EIF4E3: variants seen among roughly 807,000 people sequenced by gnomAD.
The protein encoded by EIF4E3 is eukaryotic translation initiation factor 4E type 3.
EIF4E3 carries 26 observed loss-of-function variants against 31.7 expected under a neutral mutation model. That is an observed-to-expected ratio of 0.82 (90% CI 0.60 to 1.14). EIF4E3 has a LOEUF of 1.14. EIF4E3 is among the 50% of genes most tolerant of loss of function. The pLI is 0.00. For synonymous variants in EIF4E3, 128 were observed against 107.7 expected (o/e 1.19, Z -1.17); for missense variants, 304 against 270.9 (o/e 1.12, Z -0.86).
At chr3:71,728,328 G>C (rs1197487115), upstream of EIF4E3, 1 of 152,224 alleles carries the variant, frequency 6.6e-6, no homozygotes, top group East Asian at 1.9e-4. Flanking sequence ...ATTCTTAGAA[G>C]ATAATAAATT....
At chr3:71,731,579 C>G (rs1041018803) in intron 1 of EIF4E3, among the ~76,000 whole-genome samples, 5 of 152,230 alleles carry the variant, frequency 3.3e-5, no homozygotes, top group African/African-American at 1.2e-4. Flanking sequence ...TAGTGCAGGG[C>G]CTGTCCATGG....
At chr3:71,713,136 T>G (rs1205781989) in intron 1 of EIF4E3, among the ~76,000 whole-genome samples, 1 of 152,242 alleles carries the variant, frequency 6.6e-6, no homozygotes, top group Non-Finnish European at 1.5e-5. Flanking sequence ...GCTAGTGTGC[T>G]GAGCCTCTGA....
At chr3:71,726,000 G>C (rs1285865720), upstream of EIF4E3, among the ~76,000 whole-genome samples, 1 of 152,154 alleles carries the variant, frequency 6.6e-6, no homozygotes, top group Admixed American at 6.5e-5. This position sits in a 1 kb window ranked among gnomAD's most constrained non-coding sequence, Gnocchi z 6.1. Context: ...TCCAGTGCCC[G>C]CGAGTACAGA....
rs1438612652 is a variant in EIF4E3 at position 71,678,380 on chromosome 3, T to C, written c.*6302A>G. 6.6e-6 allele frequency: 1 copy of C among 152,164 alleles called. No individual in the cohort carries two copies. The highest frequency in any genetic ancestry group is 6.5e-5 in the Admixed American group (1 of 15,270). The allele number at this position is 152,164 out of a possible 1,614,324, so 9.4% of individuals were successfully genotyped here. ...TGAAAAATGAAGAAGCACAAATTCA[T>C]AGCAATATAGTCCCAAATTAGAAAA... On this transcript the variant is annotated 3_prime_UTR_variant, in exon 7 of 7. Coordinates refer to ENST00000425534, the MANE Select transcript of EIF4E3 (RefSeq NM_001134651.2).
Position 71,716,580 on chromosome 3 carries a change from G to GA in EIF4E3, c.177-6097dup, listed in dbSNP as rs1323775380. Reference sequence around the variant, plus strand: ...CAGAAATGCTGGGCCCCCAATAATTGAAAAGACCACATATCATGTTGTACA... The same window carrying GA: ...CAGAAATGCTGGGCCCCCAATAATTGAAAAAGACCACATATCATGTTGTACA... On this transcript the variant is annotated intron_variant, in intron 1 of 6. Coordinates refer to ENST00000425534, the MANE Select transcript of EIF4E3 (RefSeq NM_001134651.2). Among the ~76,000 whole-genome samples the GA allele has an allele frequency of 3.3e-5, 5 of 152,052 alleles. No individual in the cohort carries two copies. The East Asian group carries it at 7.7e-4, about 23-fold the overall frequency.
intron 1 of EIF4E3, among the ~76,000 whole-genome samples, chr3:71,724,778 C>T (rs1257372794): frequency 1.3e-5 from 2 of 152,230 alleles, no homozygotes; most frequent in Non-Finnish European, 2.9e-5. Flanking sequence ...AGCGCTGTCA[C>T]AGCTGAGGTC....
intron 1 of EIF4E3, among the ~76,000 whole-genome samples, chr3:71,741,297 A>G (rs1206229874): frequency 1.3e-5 from 2 of 152,288 alleles, no homozygotes; most frequent in East Asian, 1.9e-4. Flanking sequence ...CATATCCTAC[A>G]ATGAAATAAT....
chr3:71,698,134 C>T (rs1488194112), intron 3 of EIF4E3, among the ~76,000 whole-genome samples: 4 of 152,152 alleles, frequency 2.6e-5, no homozygotes, highest in African/African-American at 9.7e-5. Flanking sequence ...GGGCATTTTT[C>T]AATAAACACT....
intron 6 of EIF4E3, among the ~76,000 whole-genome samples, chr3:71,685,606 A>T (rs1266309216): frequency 6.6e-6 from 1 of 152,160 alleles, no homozygotes; most frequent in Non-Finnish European, 1.5e-5. Flanking sequence ...CAAGTGAACC[A>T]CCTGCCTCAG....
chr3:71,745,498 A>C (rs2108157819), intron 1 of EIF4E3, among the ~76,000 whole-genome samples: 1 of 152,184 alleles, frequency 6.6e-6, no homozygotes, highest in East Asian at 1.9e-4. Context: ...CCACCATATA[A>C]AGTATATTCA....
intron 1 of EIF4E3, among the ~76,000 whole-genome samples, chr3:71,745,495 ATAAAG>A (rs1002086447): frequency 3.5e-4 from 53 of 152,332 alleles, no homozygotes; most frequent in African/African-American, 1.3e-3. Flanking sequence ...TCGCCACCAT[ATAAAG>A]TATATTCACT....
intron 1 of EIF4E3, among the ~76,000 whole-genome samples, chr3:71,715,263 G>A (rs564618217): frequency 1.1e-4 from 16 of 152,328 alleles, no homozygotes; most frequent in Admixed American, 1.0e-3. Flanking sequence ...AAACCCTCCT[G>A]GCAATGTTTA....
the EIF4E3 span, among the ~76,000 whole-genome samples, chr3:71,666,960 T>C: frequency 1.3e-5 from 2 of 151,528 alleles, no homozygotes; most frequent in Non-Finnish European, 2.9e-5. Flanking sequence ...AAAAAGAAAA[T>C]TTCAGGCCAA....
At chr3:71,707,848 C>A (rs1453366302) in intron 2 of EIF4E3, among the ~76,000 whole-genome samples, 1 of 149,352 alleles carries the variant, frequency 6.7e-6, no homozygotes, top group East Asian at 2.0e-4. Flanking sequence ...GAAAGTGGTT[C>A]ATTTATTAAC....
At chr3:71,752,331 C>G (rs1405642338) in intron 1 of EIF4E3, among the ~76,000 whole-genome samples, 2 of 152,148 alleles carry the variant, frequency 1.3e-5, no homozygotes, top group Non-Finnish European at 2.9e-5. Flanking sequence ...CTCTGTCATC[C>G]CTCCTCAACA....
At chr3:71,739,547 A>G (rs1039970464) in intron 1 of EIF4E3, among the ~76,000 whole-genome samples, 3 of 152,098 alleles carry the variant, frequency 2.0e-5, no homozygotes, top group Admixed American at 2.0e-4. Context: ...AAATTAAAAA[A>G]TTAACCAGGT....
intron 1 of EIF4E3, among the ~76,000 whole-genome samples, chr3:71,737,871 C>T (rs1019686909): frequency 6.6e-6 from 1 of 151,918 alleles, no homozygotes; most frequent in African/African-American, 2.4e-5. Context: ...CTTTAAAGTA[C>T]TGAAAGAAGA....
chr3:71,734,767 A>G (rs1450614752), intron 1 of EIF4E3, among the ~76,000 whole-genome samples: 1 of 152,224 alleles, frequency 6.6e-6, no homozygotes, highest in Non-Finnish European at 1.5e-5. Flanking sequence ...CATCTTAATA[A>G]GTTGTTGCAT....
chr3:71,752,080 T>C (rs1017174477), intron 1 of EIF4E3, among the ~76,000 whole-genome samples: 16 of 152,200 alleles, frequency 1.1e-4, no homozygotes, highest in African/African-American at 2.9e-4. Flanking sequence ...GCTCAATAGT[T>C]GATTTTCTTG....
Sources: gnomAD v4.1 joint callset for allele counts (sites outside exome capture counted in the v4.1 genomes callset) on GRCh38, gnomAD v4.1.1 for gene constraint, Gnocchi (gnomAD v3.1) non-coding constraint, MANE v1.5 for transcripts, NCBI Gene and HGNC (gene_info 2026-07-23, HGNC 2026-07-21) for gene names.